Variants in TAMM41 observed in about 807,000 individuals in gnomAD.
TAMM41 encodes TAM41 mitochondrial translocator assembly and maintenance homolog, also known as phosphatidate cytidylyltransferase, mitochondrial.
TAMM41 carries 36 observed loss-of-function variants against 44.1 expected under a neutral mutation model. The observed-to-expected ratio is 0.82, with a 90% CI of 0.63 to 1.08. The LOEUF (loss-of-function observed/expected upper bound fraction) is 1.08. Among genes scored for constraint, TAMM41 ranks in the 50% least tolerant of loss-of-function variants. The probability of loss-of-function intolerance (pLI) is 0.00; values close to 1 mark genes in which losing one functional copy is unlikely to be tolerated. For missense variants in TAMM41, 417 were observed against 404.3 expected (o/e 1.03, Z -0.27); for synonymous variants, 164 against 153.1 (o/e 1.07, Z -0.53).
At chr3:11,787,918 C>T (rs2077426291), downstream of TAMM41, among the ~76,000 whole-genome samples, 1 of 152,202 alleles carries the variant, frequency 6.6e-6, no homozygotes. Flanking sequence ...ACCTCTCCTC[C>T]TTATATGGCT....
chr3:11,826,981 C>T (rs780322882), intron 4 of TAMM41, among the ~76,000 whole-genome samples: 3 of 152,240 alleles, frequency 2.0e-5, no homozygotes, highest in Non-Finnish European at 4.4e-5. Context: ...CTCCTAAACA[C>T]ATCATGTTCT....
chr3:11,779,492 C>T, the TAMM41 span, among the ~76,000 whole-genome samples: 1 of 152,174 alleles, frequency 6.6e-6, no homozygotes, highest in Non-Finnish European at 1.5e-5. Context: ...GATCCAAGTT[C>T]AACATGAGAT....
intron 5 of TAMM41, among the ~76,000 whole-genome samples, chr3:11,812,124 C>T (rs992993199): frequency 3.9e-5 from 6 of 152,076 alleles, no homozygotes; most frequent in Non-Finnish European, 2.9e-5. Context: ...GATGGGGTTT[C>T]ACCATGTTGG....
At chr3:11,725,454 C>CCTCCTCCTTCTT in the TAMM41 span, among the ~76,000 whole-genome samples, 82 of 137,820 alleles carry the variant, frequency 5.9e-4, 1 homozygote, top group African/African-American at 2.2e-3. Context: ...TCCTCCTCCT[C>CCTCCTCCTTCTT]CTTCTTCTTC....
chr3:11,843,863 C>T (rs1463435838), intron 2 of TAMM41, 166 bp downstream of exon 2: 3 of 713,514 alleles, frequency 4.2e-6, no homozygotes, highest in East Asian at 5.5e-5. Context: ...TGTTTCCTGA[C>T]TATAAGAATA....
chr3:11,729,590 T>C, the TAMM41 span, among the ~76,000 whole-genome samples: 1 of 124,272 alleles, frequency 8.0e-6, no homozygotes. Context: ...AGACAGAGTC[T>C]CACTCCGTTG....
At chr3:11,748,066 G>C in the TAMM41 span, among the ~76,000 whole-genome samples, 1 of 151,582 alleles carries the variant, frequency 6.6e-6, no homozygotes, top group South Asian at 2.1e-4. Flanking sequence ...GTAGAGATAA[G>C]GTTTCTCCAT....
the TAMM41 span, among the ~76,000 whole-genome samples, chr3:11,767,565 C>T: frequency 6.7e-6 from 1 of 150,168 alleles, no homozygotes; most frequent in Non-Finnish European, 1.5e-5. Flanking sequence ...TACTATGTTA[C>T]ATTCCCACCA....
chr3:11,839,396 T>C (rs564104394), intron 2 of TAMM41, 82 bp from the exon 3 acceptor site: 1 of 935,752 alleles, frequency 1.1e-6, no homozygotes, highest in African/African-American at 1.7e-5. Flanking sequence ...AGGAAACAGA[T>C]AAAATTCTTG....
chr3:11,780,307 A>G, the TAMM41 span, among the ~76,000 whole-genome samples: 2 of 152,192 alleles, frequency 1.3e-5, no homozygotes, highest in African/African-American at 4.8e-5. Context: ...TAGTTCCCTC[A>G]ACACACTGTG....
chr3:11,734,878 C>CAAAAAAAAAAA, the TAMM41 span, among the ~76,000 whole-genome samples: 206 of 73,216 alleles, frequency 2.8e-3, 5 homozygotes, highest in Middle Eastern at 8.5e-3. Flanking sequence ...TACTAAAATA[C>CAAAAAAAAAAA]AAAAAAAAAA....
At chr3:11,826,488 C>T (rs1330388588) in intron 4 of TAMM41, among the ~76,000 whole-genome samples, 4 of 136,116 alleles carry the variant, frequency 2.9e-5, no homozygotes, top group Non-Finnish European at 6.0e-5. Flanking sequence ...ATGATCTCAC[C>T]ACTGCACTCT....
chr3:11,733,038 A>G, the TAMM41 span, among the ~76,000 whole-genome samples: 3 of 135,916 alleles, frequency 2.2e-5, no homozygotes, highest in African/African-American at 8.4e-5. Flanking sequence ...TTGCTCTGTC[A>G]TCTAGGCTGG....
Position 11,846,486 on chromosome 3 carries a change from G to T in TAMM41, c.135+16C>A. 6.2e-7 allele frequency: 1 copy of T among 1,614,048 alleles called. No individual in the cohort carries two copies. Among genetic ancestry groups the T allele is most frequent in the Non-Finnish European group, 8.5e-7 (1 of 1,179,990 alleles). On this transcript the variant is annotated intron_variant, in intron 1 of 7. Transcript: ENST00000455809. ...GAGAACAGACAGTTCCCCGTCGTGG[G>T]GCTGCCCGGGCTCACCTTCTGGTCT...
At chr3:11,766,876 T>C in the TAMM41 span, among the ~76,000 whole-genome samples, 3 of 152,124 alleles carry the variant, frequency 2.0e-5, no homozygotes. Flanking sequence ...ACCTAGAGTA[T>C]GTTTTTAAAT....
chr3:11,783,442 T>C, the TAMM41 span, among the ~76,000 whole-genome samples: 1 of 151,690 alleles, frequency 6.6e-6, no homozygotes, highest in Admixed American at 6.6e-5. Context: ...ACCTGGCTAA[T>C]AAAGGGAAAT....
chr3:11,817,733 G>C (rs1418975635), intron 4 of TAMM41, among the ~76,000 whole-genome samples: 1 of 152,154 alleles, frequency 6.6e-6, no homozygotes, highest in Admixed American at 6.5e-5. Context: ...ACTTGTCCTT[G>C]CCATTGCTTC....
chr3:11,765,493 A>G, the TAMM41 span, among the ~76,000 whole-genome samples: 6 of 152,190 alleles, frequency 3.9e-5, no homozygotes, highest in Non-Finnish European at 8.8e-5. Flanking sequence ...ACAGAGCTAC[A>G]AGCGTAAAGA....
At chr3:11,753,012 G>A in the TAMM41 span, among the ~76,000 whole-genome samples, 1 of 152,020 alleles carries the variant, frequency 6.6e-6, no homozygotes, top group Non-Finnish European at 1.5e-5. Context: ...ATGAGTACAT[G>A]TCCGAAGGGG....
Sources: allele counts gnomAD v4.1 joint callset (sites outside exome capture counted in the v4.1 genomes callset), GRCh38; gene constraint gnomAD v4.1.1; transcripts MANE v1.5; gene names NCBI Gene and HGNC (gene_info 2026-07-23, HGNC 2026-07-21).